DLGAP2: variants seen among roughly 807,000 people sequenced by gnomAD.
DLGAP2 encodes disks large-associated protein 2.
In DLGAP2, 26 loss-of-function variants were observed where a neutral mutation model predicts 100.3. That is an observed-to-expected ratio of 0.26 (90% confidence interval 0.19 to 0.36). The LOEUF (loss-of-function observed/expected upper bound fraction) is 0.36. Among genes scored for constraint, DLGAP2 ranks in the 10% least tolerant of loss-of-function variants. DLGAP2 has a pLI of 1.00. For missense variants in DLGAP2, 1,858 were observed against 1,453.2 expected (o/e 1.28, Z -4.53); for synonymous variants, 886 against 630.1 (o/e 1.41, Z -6.08).
chr8:776,850 T>C (rs1821532622), intron 1 of DLGAP2, among the ~76,000 whole-genome samples: 1 of 152,228 alleles, frequency 6.6e-6, no homozygotes. Flanking sequence ...GAGAGTTCTG[T>C]AGATGTCTAT....
chr8:815,375 C>G (rs114216798), intron 1 of DLGAP2, among the ~76,000 whole-genome samples: 1 of 152,276 alleles, frequency 6.6e-6, no homozygotes, highest in African/African-American at 2.4e-5. Context: ...GGAGGCTTTG[C>G]CCTCATGACT....
chr8:876,923 G>A (rs150148680), intron 1 of DLGAP2, among the ~76,000 whole-genome samples: 13 of 151,446 alleles, frequency 8.6e-5, no homozygotes, highest in South Asian at 6.3e-4. Flanking sequence ...TAAACCCCAC[G>A]AATGAGTTTT....
chr8:1,625,338 G>A (rs1797463850), intron 6 of DLGAP2, among the ~76,000 whole-genome samples: 2 of 152,160 alleles, frequency 1.3e-5, no homozygotes, highest in African/African-American at 4.8e-5. Flanking sequence ...ACTGGAAAGT[G>A]GTCCAGTTAG....
At chr8:1,296,931 T>C in intron 3 of DLGAP2, 1 of 152,306 alleles carries the variant, frequency 6.6e-6, no homozygotes, top group Non-Finnish European at 1.5e-5. Flanking sequence ...TGGGGTGGGG[T>C]GGAGGTCATT....
intron 4 of DLGAP2, among the ~76,000 whole-genome samples, chr8:1,509,811 C>G (rs1190751072): frequency 6.6e-6 from 1 of 152,156 alleles, no homozygotes; most frequent in Non-Finnish European, 1.5e-5. Flanking sequence ...TGTTCAATGT[C>G]AGTTTTTACC....
intron 2 of DLGAP2, among the ~76,000 whole-genome samples, chr8:979,761 T>C (rs553958776): frequency 1.5e-3 from 235 of 152,200 alleles, no homozygotes; most frequent in Non-Finnish European, 1.8e-3. Context: ...CATGCAGTTT[T>C]AAGGAAGGAT....
chr8:1,348,108 A>T (rs1245596027), intron 3 of DLGAP2, among the ~76,000 whole-genome samples: 2 of 150,558 alleles, frequency 1.3e-5, no homozygotes, highest in Non-Finnish European at 3.0e-5. Flanking sequence ...ACAGAGCTAC[A>T]TTGCTCTCGT....
chr8:1,163,733 G>T (rs1796937623), intron 2 of DLGAP2, among the ~76,000 whole-genome samples: 1 of 152,154 alleles, frequency 6.6e-6, no homozygotes, highest in Non-Finnish European at 1.5e-5. Flanking sequence ...GGTGTTGGTG[G>T]GAGTAACGCG....
At chr8:1,185,719 A>T (rs1443340743) in intron 2 of DLGAP2, among the ~76,000 whole-genome samples, 9 of 78,154 alleles carry the variant, frequency 1.2e-4, no homozygotes, top group Non-Finnish European at 1.9e-4. Flanking sequence ...TCACACACAC[A>T]CACACACTCA....
rs1470805815 is a variant in DLGAP2 at position 1,462,433 on chromosome 8, G to GCA, written c.107-38932_107-38931dup. 2.0e-5 allele frequency among the ~76,000 whole-genome samples: 2 copies of GCA among 98,234 alleles called. 1 individual carries two copies. Among genetic ancestry groups the GCA allele is most frequent in the Non-Finnish European group, 4.2e-5 (2 of 47,544 alleles). The allele number at this position is 98,234 out of a possible 152,430, so 64.4% of individuals were successfully genotyped here. On this transcript the variant is annotated intron_variant, in intron 3 of 14. Coordinates refer to ENST00000637795, the MANE Select transcript of DLGAP2 (RefSeq NM_001346810.2). Reference sequence around the variant, plus strand: ...AGCTGCTGCTGTCACAGGACTGGGTGCAGTCGCTGATTTGGTGGCCAGGAG... The same window carrying GCA: ...AGCTGCTGCTGTCACAGGACTGGGTGCACAGTCGCTGATTTGGTGGCCAGGAG...
chr8:1,455,492 C>T (rs184845713), intron 3 of DLGAP2, among the ~76,000 whole-genome samples: 3 of 152,332 alleles, frequency 2.0e-5, no homozygotes, highest in East Asian at 3.9e-4. Context: ...CAGCTTTGCC[C>T]GTGTCCTTCA....
Position 1,107,612 on chromosome 8 carries a change from A to G in DLGAP2, c.74-151239A>G, listed in dbSNP as rs563918196. On this transcript the variant is annotated intron_variant, in intron 2 of 14. Transcript: ENST00000637795. ...GCAGCTGACTATCGAGAATCCTAGG[A>G]GAATGGGCTTTCTGTGTGACGTGTG... Among the ~76,000 whole-genome samples the G allele has an allele frequency of 4.5e-4, 68 of 152,272 alleles. No homozygotes were observed. The South Asian group carries it at 7.3e-3, about 16-fold the overall frequency.
intron 4 of DLGAP2, among the ~76,000 whole-genome samples, chr8:1,516,525 C>CAGTG (rs551188525): frequency 1.1e-5 from 1 of 94,956 alleles, no homozygotes; most frequent in African/African-American, 4.3e-5. Flanking sequence ...ATGAATCAGT[C>CAGTG]AGTGAGTGAG....
intron 2 of DLGAP2, among the ~76,000 whole-genome samples, chr8:1,106,962 TG>T (rs1226186046): frequency 6.6e-6 from 1 of 151,922 alleles, no homozygotes; most frequent in Non-Finnish European, 1.5e-5. Flanking sequence ...TATTTTCTTC[TG>T]GGAAGAGTCT....
At chr8:1,313,765 G>C (rs73670745) in intron 3 of DLGAP2, among the ~76,000 whole-genome samples, 1 of 152,050 alleles carries the variant, frequency 6.6e-6, no homozygotes, top group Non-Finnish European at 1.5e-5. Flanking sequence ...ATGTAGGAAG[G>C]CTGAATTATG....
chr8:936,022 C>A (rs549084367), intron 2 of DLGAP2, among the ~76,000 whole-genome samples: 1 of 152,196 alleles, frequency 6.6e-6, no homozygotes, highest in Non-Finnish European at 1.5e-5. Context: ...GACCGAGGAC[C>A]CTGCCCAGTG....
At chr8:939,229 A>G (rs1431300389) in intron 2 of DLGAP2, among the ~76,000 whole-genome samples, 1 of 88,916 alleles carries the variant, frequency 1.1e-5, no homozygotes, top group East Asian at 3.3e-4. Context: ...GTGCAGACAC[A>G]GGGGCTGGGG....
Position 1,112,863 on chromosome 8 carries a change from C to T in DLGAP2, c.74-145988C>T, listed in dbSNP as rs185940849. On this transcript the variant is annotated intron_variant, in intron 2 of 14. Transcript: ENST00000637795. ...TTTTACATTTAAGTCTTTAATCCATCTAGAGTTGCTTTTTGTACATGGCAT... is the reference window on the plus strand; with the variant it reads ...TTTTACATTTAAGTCTTTAATCCATTTAGAGTTGCTTTTTGTACATGGCAT... 1.7e-3 allele frequency among the ~76,000 whole-genome samples: 259 copies of T among 152,272 alleles called. 2 individuals are homozygous for T. The highest frequency in any genetic ancestry group is 2.3e-3 in the Non-Finnish European group (154 of 68,030).
At chr8:915,419 C>T (rs1200357827) in intron 2 of DLGAP2, among the ~76,000 whole-genome samples, 2 of 152,080 alleles carry the variant, frequency 1.3e-5, no homozygotes, top group African/African-American at 4.8e-5. Context: ...TGGTGGCTGG[C>T]ACCTGTAGTC....
Sources: gnomAD v4.1 joint callset for allele counts (sites outside exome capture counted in the v4.1 genomes callset) on GRCh38, gnomAD v4.1.1 for gene constraint, MANE v1.5 for transcripts, NCBI Gene and HGNC (gene_info 2026-07-23, HGNC 2026-07-21) for gene names.